The following DOCK4 variants were observed in gnomAD, a reference collection of about 807,000 sequenced individuals.
DOCK4 encodes the protein dedicator of cytokinesis 4.
A neutral mutation model predicts 268.1 loss-of-function variants in DOCK4; 97 were observed. The ratio of observed to expected loss-of-function variants is 0.36; its 90% confidence interval spans 0.31 to 0.43. The LOEUF (loss-of-function observed/expected upper bound fraction) is 0.43, where lower values mean the gene tolerates loss of function less well. Among genes scored for constraint, DOCK4 ranks in the 20% least tolerant of loss-of-function variants. The pLI is 1.00. For missense variants in DOCK4, 2,145 were observed against 2,455.7 expected, an observed-to-expected ratio of 0.87 and a Z score of 2.67; for synonymous variants, 954 against 887.2, an observed-to-expected ratio of 1.08 and a Z score of -1.34.
At position 111,935,645 on chromosome 7, in the gene DOCK4, A is replaced by T. The variant is rs777807373; in HGVS notation, c.978-17T>A. On this transcript the variant is annotated splice_polypyrimidine_tract_variant and intron_variant, in intron 11 of 52. Coordinates refer to ENST00000428084, the MANE Select transcript of DOCK4 (RefSeq NM_001363540.2). ...GTGTTACACCTATGAAAACATTAAC[A>T]CTCTGTTAAGCTTTAATGATGCATG... 5.6e-6 allele frequency: 9 copies of T among 1,605,920 alleles called. No individual in the cohort carries two copies. Among genetic ancestry groups the T allele is most frequent in the Middle Eastern group, 1.7e-4 (1 of 6,036 alleles).
Position 111,728,262 on chromosome 7 carries a change from T to C in DOCK4, c.*12A>G, listed in dbSNP as rs1401872987. ...GGGCAAAGAATGCATCGCAGGTACA[T>C]AGAAAAGTGACTTATAACTGAGAGA... On this transcript the variant is annotated 3_prime_UTR_variant, in exon 53 of 53. Transcript: ENST00000428084. 1.4e-6 allele frequency: 2 copies of C among 1,474,340 alleles called. No homozygotes were observed. Among genetic ancestry groups the C allele is most frequent in the African/African-American group, 1.4e-5 (1 of 70,374 alleles). The allele number at this position is 1,474,340 out of a possible 1,614,324, so 91.3% of individuals were successfully genotyped here. A position where few individuals can be genotyped will look rare whatever the true frequency, so the allele number is the denominator to read the frequency against.
At chr7:111,923,806 T>C (rs147816472) in intron 12 of DOCK4, among the ~76,000 whole-genome samples, 27 of 152,366 alleles carry the variant, frequency 1.8e-4, no homozygotes, top group African/African-American at 5.0e-4. Context: ...GTTATTCCAT[T>C]GCATTTACCC....
intron 1 of DOCK4, among the ~76,000 whole-genome samples, chr7:112,122,408 G>GT (rs537795813): frequency 0.013 from 1,942 of 152,162 alleles, 19 homozygotes; most frequent in Admixed American, 0.017. Context: ...GGGTCATTAT[G>GT]TTTTAAGATT....
intron 1 of DOCK4, among the ~76,000 whole-genome samples, chr7:112,197,688 G>T (rs1336332603): frequency 6.6e-6 from 1 of 152,080 alleles, no homozygotes; most frequent in South Asian, 2.1e-4. Flanking sequence ...TGAAATTTGG[G>T]GTCTGTCATG....
At chr7:112,071,956 A>G (rs1414656355) in intron 1 of DOCK4, among the ~76,000 whole-genome samples, 1 of 152,218 alleles carries the variant, frequency 6.6e-6, no homozygotes, top group African/African-American at 2.4e-5. Flanking sequence ...ATTTTAGTGA[A>G]ATTTCTTGAC....
intron 39 of DOCK4, among the ~76,000 whole-genome samples, chr7:111,762,481 C>T (rs1388625245): frequency 1.3e-5 from 2 of 152,072 alleles, no homozygotes; most frequent in East Asian, 3.8e-4. Flanking sequence ...TTTTACTTAA[C>T]ATAGTATTTT....
chr7:112,126,342 A>G (rs1813213363), intron 1 of DOCK4, among the ~76,000 whole-genome samples: 1 of 152,166 alleles, frequency 6.6e-6, no homozygotes, highest in Non-Finnish European at 1.5e-5. Flanking sequence ...CACATTAGAG[A>G]TGAAGGTAAA....
chr7:111,873,425 G>A (rs1806585326), intron 17 of DOCK4, among the ~76,000 whole-genome samples: 2 of 152,228 alleles, frequency 1.3e-5, no homozygotes, highest in African/African-American at 4.8e-5. Context: ...AGGCTCGCGT[G>A]TGCCGAGCAC....
At chr7:112,050,496 T>C (rs1805245636) in intron 1 of DOCK4, among the ~76,000 whole-genome samples, 1 of 152,166 alleles carries the variant, frequency 6.6e-6, no homozygotes, top group Admixed American at 6.5e-5. Flanking sequence ...CTTTTAGGTA[T>C]TGAATTTCAA....
intron 32 of DOCK4, 150 bp downstream of exon 32, chr7:111,788,512 T>C: frequency 1.6e-6 from 1 of 640,782 alleles, no homozygotes; most frequent in South Asian, 1.9e-5. Context: ...AGTTAGGCAA[T>C]TATCCTTTAT....
chr7:112,184,307 C>G (rs1451608466), intron 1 of DOCK4, among the ~76,000 whole-genome samples: 1 of 152,158 alleles, frequency 6.6e-6, no homozygotes, highest in Non-Finnish European at 1.5e-5. Context: ...ACACCACTTG[C>G]TAATATAACT....
intron 15 of DOCK4, among the ~76,000 whole-genome samples, chr7:111,897,556 G>A (rs1161359575): frequency 6.6e-6 from 1 of 151,716 alleles, no homozygotes; most frequent in Non-Finnish European, 1.5e-5. Flanking sequence ...TAAGAGCTGA[G>A]AGTGCACATC....
chr7:111,781,876 T>G lies in DOCK4; in HGVS notation c.3585+988A>C, dbSNP rs78253548. Among the ~76,000 whole-genome samples the G allele has an allele frequency of 2.3e-4, 35 of 152,198 alleles. No homozygotes were observed. The East Asian group carries it at 6.2e-3, about 27-fold the overall frequency. ...AAATCAAAGTAGGGGCAAAAGAATT[T>G]CAAGGTGCAAGCAAATAGAGAACTA... On this transcript the variant is annotated intron_variant, in intron 35 of 52. Transcript: ENST00000428084.
chr7:111,976,958 C>T (rs992975540), intron 8 of DOCK4, 174 bp downstream of exon 8: 26 of 618,918 alleles, frequency 4.2e-5, no homozygotes, highest in Admixed American at 2.3e-4. Flanking sequence ...ATTCATCATC[C>T]CTCACAGAAA....
chr7:111,895,873 G>A (rs898780993), intron 15 of DOCK4, among the ~76,000 whole-genome samples, 155 bp from the exon 16 acceptor site: 1 of 152,122 alleles, frequency 6.6e-6, no homozygotes, highest in Non-Finnish European at 1.5e-5. Context: ...ATATAGAGCA[G>A]CCACCCTCTA....
At chr7:111,773,320 A>G (rs1798240198) in intron 36 of DOCK4, among the ~76,000 whole-genome samples, 1 of 152,230 alleles carries the variant, frequency 6.6e-6, no homozygotes, top group Non-Finnish European at 1.5e-5. Context: ...AGAAGAGAGA[A>G]GAATAAAATG....
At chr7:111,782,143 T>C (rs749297110) in intron 35 of DOCK4, among the ~76,000 whole-genome samples, 27 of 152,192 alleles carry the variant, frequency 1.8e-4, no homozygotes, top group Non-Finnish European at 7.4e-5. Flanking sequence ...CAAATAAACA[T>C]CTAAATGTAG....
intron 1 of DOCK4, among the ~76,000 whole-genome samples, chr7:112,162,515 C>G (rs777893929): frequency 2.7e-5 from 2 of 72,932 alleles, no homozygotes; most frequent in African/African-American, 3.0e-4. Context: ...CTTTCTTTCT[C>G]TCTCTCTCTC....
At chr7:111,914,456 C>T (rs1442484867) in intron 13 of DOCK4, among the ~76,000 whole-genome samples, 1 of 152,136 alleles carries the variant, frequency 6.6e-6, no homozygotes, top group East Asian at 1.9e-4. Context: ...TGAGTGTGAC[C>T]TACAAGGTCC....
Sources: gnomAD v4.1 joint callset for allele counts (sites outside exome capture counted in the v4.1 genomes callset) on GRCh38, gnomAD v4.1.1 for gene constraint, MANE v1.5 for transcripts, NCBI Gene and HGNC (gene_info 2026-07-23, HGNC 2026-07-21) for gene names.